Variants in PCBP3 observed in about 807,000 individuals in gnomAD.
PCBP3 encodes poly(rC)-binding protein 3.
PCBP3 carries 25 observed loss-of-function variants against 52.7 expected under a neutral mutation model. The observed-to-expected ratio is 0.47, with a 90% CI of 0.35 to 0.66. The LOEUF is 0.66. Ranked by LOEUF, PCBP3 falls within the 30% of genes least tolerant of loss-of-function variation. PCBP3 has a pLI of 0.01. For missense variants in PCBP3, 391 were observed against 490.3 expected, an observed-to-expected ratio of 0.80 and a Z score of 1.91; for synonymous variants, 162 against 183.0, an observed-to-expected ratio of 0.89 and a Z score of 0.93.
intron 5 of PCBP3, among the ~76,000 whole-genome samples, chr21:45,850,539 C>T (rs923926489): frequency 5.3e-5 from 8 of 152,090 alleles, no homozygotes; most frequent in Admixed American, 1.3e-4. Flanking sequence ...GACATTAGTG[C>T]CGTGGCTTGA....
At chr21:45,911,233 G>T (rs770716496) in intron 11 of PCBP3, 1 of 667,200 alleles carries the variant, frequency 1.5e-6, no homozygotes, top group African/African-American at 1.8e-5. Flanking sequence ...TCAGGGTCCA[G>T]TGTCTTCGTG....
At chr21:45,685,039 GC>G (rs2082073043) in intron 2 of PCBP3, among the ~76,000 whole-genome samples, 1 of 152,110 alleles carries the variant, frequency 6.6e-6, no homozygotes, top group African/African-American at 2.4e-5. Flanking sequence ...CAGCTTGTTG[GC>G]TTGAACATTT....
At chr21:45,770,308 T>A (rs2089758341) in intron 4 of PCBP3, among the ~76,000 whole-genome samples, 1 of 152,238 alleles carries the variant, frequency 6.6e-6, no homozygotes, top group Non-Finnish European at 1.5e-5. Context: ...TATAATTTTT[T>A]ATTCATATTT....
At chr21:45,721,479 T>A (rs1268250768) in intron 2 of PCBP3, among the ~76,000 whole-genome samples, 1 of 152,042 alleles carries the variant, frequency 6.6e-6, no homozygotes, top group African/African-American at 2.4e-5. Context: ...GAGACCACTT[T>A]TGGTGAGAGA....
At chr21:45,679,854 A>G (rs2081725285) in intron 2 of PCBP3, among the ~76,000 whole-genome samples, 2 of 152,134 alleles carry the variant, frequency 1.3e-5, no homozygotes, top group South Asian at 2.1e-4. Context: ...TGTGCAATTT[A>G]TTTTCAGTTA....
chr21:45,761,948 TC>T (rs1215540915), intron 4 of PCBP3: 2 of 152,266 alleles, frequency 1.3e-5, no homozygotes, highest in African/African-American at 4.8e-5. Context: ...GTGCAACTCT[TC>T]CGTGGAATGC....
chr21:45,661,112 A>G (rs536530762), intron 1 of PCBP3, among the ~76,000 whole-genome samples: 1 of 152,190 alleles, frequency 6.6e-6, no homozygotes, highest in Non-Finnish European at 1.5e-5. Flanking sequence ...TGGCTTTTAC[A>G]GTTATCTGTA....
At chr21:45,666,258 T>G (rs1299342554) in intron 1 of PCBP3, among the ~76,000 whole-genome samples, 1 of 152,136 alleles carries the variant, frequency 6.6e-6, no homozygotes, top group African/African-American at 2.4e-5. Flanking sequence ...ATACTGGAAG[T>G]CCTAGCCAGA....
Position 45,900,629 on chromosome 21 carries a change from TG to T in PCBP3, c.222+7del. 2.9e-6 allele frequency: 4 copies of T among 1,383,968 alleles called. No homozygotes were observed. Among genetic ancestry groups the T allele is most frequent in the Non-Finnish European group, 3.9e-6 (4 of 1,018,014 alleles). The allele number at this position is 1,383,968 out of a possible 1,614,324, so 85.7% of individuals were successfully genotyped here. ...TGAAGAAGATGCGTGAGGAGGTGAGTGTGGTGGGTCCCCACCTGTCCGCAGC... is the reference window on the plus strand; with the variant it reads ...TGAAGAAGATGCGTGAGGAGGTGAGTTGGTGGGTCCCCACCTGTCCGCAGC... On this transcript the variant is annotated splice_region_variant and intron_variant, in intron 8 of 17. Coordinates refer to ENST00000681687, the MANE Select transcript of PCBP3 (RefSeq NM_001384156.1).
In PCBP3 at chr21:45,837,712, C is replaced by T. The variant is rs904109587; in HGVS notation, c.-125-12249C>T. Among the ~76,000 whole-genome samples, 4 of 152,178 alleles carry T rather than the reference C, an allele frequency of 2.6e-5. No individual in the cohort carries two copies. Among genetic ancestry groups the T allele is most frequent in the East Asian group, 1.9e-4 (1 of 5,192 alleles). On this transcript the variant is annotated intron_variant, in intron 4 of 17. Coordinates refer to ENST00000681687, the MANE Select transcript of PCBP3 (RefSeq NM_001384156.1). The surrounding 1 kb of genome is among the most constrained non-coding windows in gnomAD (Gnocchi z 4.1). ...ACTCAGATTTATTTTTCCTGTGAGG[C>T]GAGCGAGCTTCCTAGGTGGCACTGC...
chr21:45,937,732 T>C (rs568236471), intron 16 of PCBP3, among the ~76,000 whole-genome samples: 1 of 152,312 alleles, frequency 6.6e-6, no homozygotes, highest in South Asian at 2.1e-4. Context: ...GGAGGTGCCC[T>C]TGGGCTGCAG....
At chr21:45,925,911 T>A (rs2075341716) in intron 13 of PCBP3, among the ~76,000 whole-genome samples, 1 of 152,148 alleles carries the variant, frequency 6.6e-6, no homozygotes, top group Admixed American at 6.5e-5. Flanking sequence ...AGTAGACAAG[T>A]GTGAAGAAGG....
chr21:45,688,935 A>T (rs935979841), intron 2 of PCBP3, among the ~76,000 whole-genome samples: 4 of 152,066 alleles, frequency 2.6e-5, no homozygotes, highest in African/African-American at 9.7e-5. Flanking sequence ...AAAGCTTTAA[A>T]AATCCAAGTC....
chr21:45,739,691 G>A (rs1339518606), intron 3 of PCBP3, among the ~76,000 whole-genome samples: 1 of 119,778 alleles, frequency 8.3e-6, no homozygotes, highest in East Asian at 2.5e-4. Context: ...CCTCTGGGTG[G>A]CCCCCCCATC....
intron 2 of PCBP3, among the ~76,000 whole-genome samples, chr21:45,715,608 T>G (rs1219977726): frequency 6.6e-6 from 1 of 152,218 alleles, no homozygotes. Flanking sequence ...CAGCAATTTA[T>G]GAGTGTTAAC....
chr21:45,723,770 T>TGGGATCTGC (rs1258971998), intron 2 of PCBP3, among the ~76,000 whole-genome samples: 6 of 152,220 alleles, frequency 3.9e-5, no homozygotes, highest in African/African-American at 1.4e-4. Context: ...TCAGGGTCTG[T>TGGGATCTGC]GGGATCTGCA....
intron 4 of PCBP3, among the ~76,000 whole-genome samples, chr21:45,841,008 C>G (rs1028561986): frequency 1.3e-5 from 2 of 152,186 alleles, no homozygotes; most frequent in African/African-American, 4.8e-5. Flanking sequence ...GTCACAGTTG[C>G]CTACAGTATT....
At chr21:45,658,157 T>A (rs965757552) in intron 1 of PCBP3, among the ~76,000 whole-genome samples, 1 of 152,240 alleles carries the variant, frequency 6.6e-6, no homozygotes, top group Non-Finnish European at 1.5e-5. Flanking sequence ...GCATCTATAC[T>A]GTTATTTTTG....
At chr21:45,907,208 C>T (rs2096232938) in intron 9 of PCBP3, among the ~76,000 whole-genome samples, 1 of 152,234 alleles carries the variant, frequency 6.6e-6, no homozygotes, top group African/African-American at 2.4e-5. Context: ...TTGTTGGGTG[C>T]TGGGGCTGGT....
Sources: allele counts gnomAD v4.1 joint callset (sites outside exome capture counted in the v4.1 genomes callset), GRCh38; gene constraint gnomAD v4.1.1; non-coding constraint Gnocchi (gnomAD v3.1); transcripts MANE v1.5; gene names NCBI Gene and HGNC (gene_info 2026-07-23, HGNC 2026-07-21).